Variants in DTD1 observed in about 807,000 individuals in gnomAD.
The protein encoded by DTD1 is D-aminoacyl-tRNA deacylase 1.
DTD1 carries 13 observed loss-of-function variants against 25.6 expected under a neutral mutation model. The ratio of observed to expected loss-of-function variants is 0.51; its 90% confidence interval spans 0.33 to 0.81. The LOEUF is 0.81. Among genes scored for constraint, DTD1 ranks in the 30% least tolerant of loss-of-function variants. The pLI is 0.02. For synonymous variants in DTD1, 110 were observed against 103.6 expected (o/e 1.06, Z -0.37); for missense variants, 193 against 266.4 (o/e 0.72, Z 1.92).
At chr20:18,655,922 A>C (rs2122362337) in intron 4 of DTD1, among the ~76,000 whole-genome samples, 1 of 152,194 alleles carries the variant, frequency 6.6e-6, no homozygotes, top group South Asian at 2.1e-4. Flanking sequence ...GGCATGCGCC[A>C]CCACACCCAG....
chr20:18,651,978 C>T (rs962042717), intron 4 of DTD1, among the ~76,000 whole-genome samples: 1 of 152,196 alleles, frequency 6.6e-6, no homozygotes, highest in Non-Finnish European at 1.5e-5. Flanking sequence ...GAGGTAGGGC[C>T]GTTAGCCACT....
intron 2 of DTD1, 64 bp downstream of exon 2, chr20:18,593,885 TC>T: frequency 1.5e-6 from 2 of 1,320,962 alleles, no homozygotes; most frequent in Non-Finnish European, 1.1e-6. Context: ...GCTGGGAACT[TC>T]CATAGTACTT....
intron 3 of DTD1, 142 bp downstream of exon 3, chr20:18,596,383 C>CAATAGCAGCAGCTAGTATG: frequency 1.5e-6 from 1 of 669,140 alleles, no homozygotes; most frequent in Non-Finnish European, 2.5e-6. Context: ...ATACTAGCTG[C>CAATAGCAGCAGCTAGTATG]TGCTATTGCT....
chr20:18,728,337 C>G (rs775410936), intron 4 of DTD1, among the ~76,000 whole-genome samples: 16 of 152,224 alleles, frequency 1.1e-4, no homozygotes, highest in Non-Finnish European at 1.8e-4. Context: ...AGCCCATCTT[C>G]AAAGCCACTC....
chr20:18,671,767 TCACC>T (rs1174721319), intron 4 of DTD1, among the ~76,000 whole-genome samples: 3 of 152,188 alleles, frequency 2.0e-5, no homozygotes, highest in Admixed American at 2.0e-4. Context: ...CCCTTGGTCC[TCACC>T]AGACCTGGGC....
chr20:18,654,785 T>C (rs2060885939), intron 4 of DTD1, among the ~76,000 whole-genome samples: 1 of 133,550 alleles, frequency 7.5e-6, no homozygotes. Context: ...CTATTCAACC[T>C]GAGAAAGCTC....
Position 18,741,021 on chromosome 20 carries a change from A to G in DTD1, c.478-3079A>G, listed in dbSNP as rs150429492. 4.7e-4 allele frequency among the ~76,000 whole-genome samples: 71 copies of G among 152,376 alleles called. 1 individual carries two copies. The East Asian group carries it at 0.013, about 29-fold the overall frequency. ...CCATTTCTCAGATTTTAAAAATGCT[A>G]GCTTTTTGTCATCTTTGCTCCAGAT... is the stretch of plus-strand genomic sequence containing the variant. On this transcript the variant is annotated intron_variant, in intron 4 of 5. Coordinates refer to ENST00000377452, the MANE Select transcript of DTD1 (RefSeq NM_080820.6).
At chr20:18,611,727 G>A (rs556857391) in intron 3 of DTD1, among the ~76,000 whole-genome samples, 2 of 152,030 alleles carry the variant, frequency 1.3e-5, no homozygotes, top group African/African-American at 4.8e-5. Flanking sequence ...GGCTCTCTTC[G>A]TTCCTGTTGT....
At chr20:18,607,737 A>G (rs1286183682) in intron 3 of DTD1, among the ~76,000 whole-genome samples, 1 of 150,488 alleles carries the variant, frequency 6.6e-6, no homozygotes, top group Non-Finnish European at 1.5e-5. Context: ...TTTTTGAGAT[A>G]GAGTCTCGCT....
intron 4 of DTD1, among the ~76,000 whole-genome samples, chr20:18,696,291 C>G (rs897835366): frequency 1.3e-5 from 2 of 152,076 alleles, no homozygotes; most frequent in Non-Finnish European, 2.9e-5. Flanking sequence ...CCGCCTGTCT[C>G]GGAGTCTCAT....
chr20:18,663,454 A>C (rs113749626), intron 4 of DTD1, among the ~76,000 whole-genome samples: 270 of 152,354 alleles, frequency 1.8e-3, no homozygotes, highest in Non-Finnish European at 2.5e-3. Flanking sequence ...TAATAGATCA[A>C]ATTACAGTCA....
In DTD1 at chr20:18,593,728, T is replaced by TA; in HGVS notation, c.44-2dup. The stretch of plus-strand genomic sequence containing the variant: ...TCTTCTCTCCCTTTTGGTTCCTTTC[T>TA]AGTTGGAGGAGAGCAGATTAGTGCC... On this transcript the variant is annotated splice_polypyrimidine_tract_variant and splice_region_variant and intron_variant, in intron 1 of 5. Coordinates refer to ENST00000377452, the MANE Select transcript of DTD1 (RefSeq NM_080820.6). 1 of 1,613,190 alleles carries TA rather than the reference T, an allele frequency of 6.2e-7. No individual in the cohort carries two copies. Among genetic ancestry groups the TA allele is most frequent in the African/African-American group, 1.3e-5 (1 of 75,030 alleles).
intron 3 of DTD1, among the ~76,000 whole-genome samples, chr20:18,601,495 T>A (rs1416887520): frequency 1.1e-5 from 1 of 93,064 alleles, no homozygotes; most frequent in Non-Finnish European, 2.2e-5. Context: ...CGGGACTCTG[T>A]CTCAAAAAAA....
chr20:18,598,819 A>C (rs2060622477), intron 3 of DTD1, among the ~76,000 whole-genome samples: 1 of 151,396 alleles, frequency 6.6e-6, no homozygotes, highest in African/African-American at 2.4e-5. Flanking sequence ...AGTAATGGTA[A>C]TTTTTAGTGC....
At chr20:18,597,521 C>T (rs2060616752) in intron 3 of DTD1, among the ~76,000 whole-genome samples, 1 of 152,202 alleles carries the variant, frequency 6.6e-6, no homozygotes, top group African/African-American at 2.4e-5. Context: ...TACTAGCCTA[C>T]TCCCACTCTC....
At chr20:18,649,915 T>C (rs1372563268) in intron 4 of DTD1, among the ~76,000 whole-genome samples, 2 of 152,158 alleles carry the variant, frequency 1.3e-5, no homozygotes, top group Non-Finnish European at 2.9e-5. Context: ...AAAACACACA[T>C]TCGAAGGTAA....
Position 18,607,304 on chromosome 20 carries a change from G to A in DTD1, c.370+11063G>A, listed in dbSNP as rs548190083. Among the ~76,000 whole-genome samples the A allele has an allele frequency of 7.2e-5, 11 of 152,172 alleles. No individual in the cohort carries two copies. In the East Asian group the frequency reaches 1.9e-3, roughly 27 times the overall value. On this transcript the variant is annotated intron_variant, in intron 3 of 5. Coordinates refer to ENST00000377452, the MANE Select transcript of DTD1 (RefSeq NM_080820.6). ...AGCCTCCTGAGTAGCTGGGATCCAG[G>A]TGTGTGCCACCACACCTGGCTAATT...
At position 18,755,516 on chromosome 20, in the gene DTD1, G is replaced by A. The variant is rs374758850; in HGVS notation, c.*20-7844G>A. 5.5e-4 allele frequency among the ~76,000 whole-genome samples: 84 copies of A among 152,238 alleles called. 1 individual carries two copies. In the South Asian group the frequency reaches 0.012, roughly 22 times the overall value. On this transcript the variant is annotated intron_variant, in intron 5 of 5. Transcript: ENST00000377452. ...TTCCCACCTATGAGTGAGAACATGC[G>A]GTGTTTGGTTTTTTGTCCTTGGCGA...
At chr20:18,617,129 T>C (rs1006744612) in intron 3 of DTD1, among the ~76,000 whole-genome samples, 7 of 152,018 alleles carry the variant, frequency 4.6e-5, no homozygotes, top group Admixed American at 2.0e-4. Flanking sequence ...TACAATTCAA[T>C]TGGAAGAAAT....
Sources: gnomAD v4.1 joint callset for allele counts (sites outside exome capture counted in the v4.1 genomes callset) on GRCh38, gnomAD v4.1.1 for gene constraint, MANE v1.5 for transcripts, NCBI Gene and HGNC (gene_info 2026-07-23, HGNC 2026-07-21) for gene names.